Variants in UBE2QL1 observed in about 807,000 individuals in gnomAD.
UBE2QL1 encodes ubiquitin conjugating enzyme E2 QL1, also known as ubiquitin-conjugating enzyme E2Q-like protein 1.
In UBE2QL1, 5 loss-of-function variants were observed where a neutral mutation model predicts 12.6. The ratio of observed to expected loss-of-function variants is 0.40; its 90% confidence interval spans 0.21 to 0.83. UBE2QL1 has a LOEUF of 0.83. Ranked by LOEUF, UBE2QL1 falls within the 40% of genes least tolerant of loss-of-function variation. The pLI is 0.37. For synonymous variants in UBE2QL1, 96 were observed against 94.5 expected (o/e 1.02, Z -0.10); for missense variants, 99 against 222.6 (o/e 0.44, Z 3.53).
At chr5:6,461,540 A>ACCG (rs71606052) in intron 1 of UBE2QL1, among the ~76,000 whole-genome samples, 5 of 46,774 alleles carry the variant, frequency 1.1e-4, no homozygotes, top group Non-Finnish European at 2.4e-4. Context: ...TTCAGCACCC[A>ACCG]CCACCCCCCC....
rs891543719 is a variant in UBE2QL1 at position 6,476,615 on chromosome 5, A to G, written c.355-14603A>G. Among the ~76,000 whole-genome samples, 2 of 152,166 alleles carry G rather than the reference A, an allele frequency of 1.3e-5. No individual in the cohort carries two copies. The highest frequency in any genetic ancestry group is 1.3e-4 in the Admixed American group (2 of 15,284). On this transcript the variant is annotated intron_variant, in intron 1 of 1. Transcript: ENST00000399816. The surrounding 1 kb of genome is among the most constrained non-coding windows in gnomAD (Gnocchi z 4.9). ...TTTTACCTGCTCCTAAGCTTACTATATAATATTTGTGAACTGCTGCAGAAA... is the reference window on the plus strand; with the variant it reads ...TTTTACCTGCTCCTAAGCTTACTATGTAATATTTGTGAACTGCTGCAGAAA...
At chr5:6,462,376 G>A (rs1272710674) in intron 1 of UBE2QL1, among the ~76,000 whole-genome samples, 2 of 152,148 alleles carry the variant, frequency 1.3e-5, no homozygotes, top group Non-Finnish European at 2.9e-5. Context: ...CCAGTGGACG[G>A]GGCATGCAAG....
Position 6,450,080 on chromosome 5 carries a change from G to C in UBE2QL1, c.354+833G>C, listed in dbSNP as rs538450022. Among the ~76,000 whole-genome samples, 61 of 132,504 alleles carry C rather than the reference G, an allele frequency of 4.6e-4. 2 individuals are homozygous for C. The East Asian group carries it at 0.01, about 22-fold the overall frequency. 86.9% of individuals were successfully genotyped at this position (132,504 alleles called of 152,430 possible). On this transcript the variant is annotated intron_variant, in intron 1 of 1. Coordinates refer to ENST00000399816, the MANE Select transcript of UBE2QL1 (RefSeq NM_001145161.3). ...GTTTGGGCATTCCCTTAAGAGACAA[G>C]ACCAGACCCCCCCCCCCCACGGCAA...
rs541956918 is a variant in UBE2QL1, at chr5:6,451,887, T to G, written c.354+2640T>G. Among the ~76,000 whole-genome samples the G allele has an allele frequency of 1.2e-4, 19 of 152,342 alleles. No homozygotes were observed. In the South Asian group the frequency reaches 3.9e-3, roughly 32 times the overall value. On this transcript the variant is annotated intron_variant, in intron 1 of 1. Coordinates refer to ENST00000399816, the MANE Select transcript of UBE2QL1 (RefSeq NM_001145161.3). ...ATTATTTCCTCAGTTAGAGGTAATATGCTTTGGGAAAGCAATCAAAATACC... is the reference window on the plus strand; with the variant it reads ...ATTATTTCCTCAGTTAGAGGTAATAGGCTTTGGGAAAGCAATCAAAATACC...
chr5:6,471,052 A>G (rs987542673), intron 1 of UBE2QL1, among the ~76,000 whole-genome samples: 1 of 152,192 alleles, frequency 6.6e-6, no homozygotes, highest in Non-Finnish European at 1.5e-5. Context: ...ATTCAGGTGT[A>G]GCATCTTTCA....
chr5:6,477,109 C>A (rs1233490031), intron 1 of UBE2QL1, among the ~76,000 whole-genome samples: 2 of 152,216 alleles, frequency 1.3e-5, no homozygotes, highest in African/African-American at 2.4e-5. Flanking sequence ...AGCGCCCACA[C>A]TCTCAGGGCC....
intron 1 of UBE2QL1, among the ~76,000 whole-genome samples, chr5:6,484,361 C>T (rs994062995): frequency 1.6e-4 from 25 of 152,164 alleles, no homozygotes; most frequent in African/African-American, 4.1e-4. Flanking sequence ...TCCTCAGGCC[C>T]TGGCCCTGAG....
chr5:6,456,113 A>T (rs1263097330), intron 1 of UBE2QL1, among the ~76,000 whole-genome samples: 1 of 152,188 alleles, frequency 6.6e-6, no homozygotes, highest in Admixed American at 6.6e-5. Flanking sequence ...CCTAGGCATC[A>T]TTGGGGGATC....
rs1003918033 is a variant in UBE2QL1, at chr5:6,495,304, A to T, written c.*3955A>T. Among the ~76,000 whole-genome samples, 4 of 152,150 alleles carry T rather than the reference A, an allele frequency of 2.6e-5. No individual in the cohort carries two copies. Among genetic ancestry groups the T allele is most frequent in the Non-Finnish European group, 5.9e-5 (4 of 68,026 alleles). On this transcript the variant is annotated 3_prime_UTR_variant, in exon 2 of 2. Transcript: ENST00000399816. ...GTGTGTAGCAATTATATTTCAGTGT[A>T]CCCATCCAATAGCATGCGAAATTTT...
Position 6,495,717 on chromosome 5 carries a change from G to A in UBE2QL1, c.*4368G>A, listed in dbSNP as rs1734655571. Reference sequence around the variant, plus strand: ...CCTCCAACTGTTTTGGGAAGCTTCTGTAAGGGGCTTGGAGCTCAGCCTATG... The same window carrying A: ...CCTCCAACTGTTTTGGGAAGCTTCTATAAGGGGCTTGGAGCTCAGCCTATG... On this transcript the variant is annotated 3_prime_UTR_variant, in exon 2 of 2. Coordinates refer to ENST00000399816, the MANE Select transcript of UBE2QL1 (RefSeq NM_001145161.3). 6.6e-6 allele frequency among the ~76,000 whole-genome samples: 1 copy of A among 152,220 alleles called. No homozygotes were observed. Among genetic ancestry groups the A allele is most frequent in the African/African-American group, 2.4e-5 (1 of 41,456 alleles).
intron 1 of UBE2QL1, among the ~76,000 whole-genome samples, chr5:6,487,281 G>GA (rs1178526998): frequency 3.9e-5 from 6 of 152,112 alleles, no homozygotes; most frequent in East Asian, 1.9e-4. Flanking sequence ...GGCCATAAGG[G>GA]AAAAAAAGAA....
chr5:6,477,383 AGGACAGGTGTGCC>A (rs1421469090), intron 1 of UBE2QL1, among the ~76,000 whole-genome samples: 67 of 151,668 alleles, frequency 4.4e-4, no homozygotes, highest in African/African-American at 1.6e-3. Context: ...CAGCCTGCTG[AGGACAGGTGTGCC>A]CGGAGGTCAG....
At chr5:6,465,962 C>T (rs1032687961) in intron 1 of UBE2QL1, among the ~76,000 whole-genome samples, 1 of 152,198 alleles carries the variant, frequency 6.6e-6, no homozygotes, top group Non-Finnish European at 1.5e-5. Flanking sequence ...CAGCCTGTCT[C>T]CCTCTGCTGC....
chr5:6,490,690 T>C (rs1274985555), intron 1 of UBE2QL1, among the ~76,000 whole-genome samples: 1 of 152,116 alleles, frequency 6.6e-6, no homozygotes, highest in Non-Finnish European at 1.5e-5. Context: ...AAAAATAGAG[T>C]TTTAAATATT....
chr5:6,484,546 T>C (rs1734428464), intron 1 of UBE2QL1, among the ~76,000 whole-genome samples: 1 of 152,086 alleles, frequency 6.6e-6, no homozygotes, highest in Non-Finnish European at 1.5e-5. Flanking sequence ...GTTGCCCAGG[T>C]CAACATTTAA....
chr5:6,461,550 C>T (rs377361836), intron 1 of UBE2QL1, among the ~76,000 whole-genome samples: 14 of 124,062 alleles, frequency 1.1e-4, no homozygotes, highest in South Asian at 9.7e-4. Flanking sequence ...ACCACCCCCC[C>T]CCGCCGGCAT....
chr5:6,460,474 C>T (rs1347017386), intron 1 of UBE2QL1, among the ~76,000 whole-genome samples: 1 of 152,156 alleles, frequency 6.6e-6, no homozygotes, highest in African/African-American at 2.4e-5. Context: ...TGTTTCCGTC[C>T]ATGACTGTGT....
rs1734280042 is a variant in UBE2QL1 at position 6,478,205 on chromosome 5, C to A, written c.355-13013C>A. On this transcript the variant is annotated intron_variant, in intron 1 of 1. Transcript: ENST00000399816. This position sits in a 1 kb window ranked among gnomAD's most constrained non-coding sequence, Gnocchi z 4.5. Reference sequence around the variant, plus strand: ...TTTTACCTGAAAATATATCTGAAGACTTCCAGTGGTTCCAAAATCTCATTT... The same window carrying A: ...TTTTACCTGAAAATATATCTGAAGAATTCCAGTGGTTCCAAAATCTCATTT... Among the ~76,000 whole-genome samples the A allele has an allele frequency of 6.6e-6, 1 of 152,302 alleles. No individual in the cohort carries two copies. The highest frequency in any genetic ancestry group is 1.9e-4 in the East Asian group (1 of 5,184).
rs564296689 is a variant in UBE2QL1 at position 6,486,189 on chromosome 5, T to A, written c.355-5029T>A. Among the ~76,000 whole-genome samples, 5 of 152,044 alleles carry A rather than the reference T, an allele frequency of 3.3e-5. No individual in the cohort carries two copies. The East Asian group carries it at 9.7e-4, about 29-fold the overall frequency. On this transcript the variant is annotated intron_variant, in intron 1 of 1. Transcript: ENST00000399816. Reference sequence around the variant, plus strand: ...AATGCTTATTTTACATATGAGAAAATCGACATTCAGAGAGGTTAAGTGATT... The same window carrying A: ...AATGCTTATTTTACATATGAGAAAAACGACATTCAGAGAGGTTAAGTGATT...
Sources: gnomAD v4.1 joint callset for allele counts (sites outside exome capture counted in the v4.1 genomes callset) on GRCh38, gnomAD v4.1.1 for gene constraint, Gnocchi (gnomAD v3.1) non-coding constraint, MANE v1.5 for transcripts, NCBI Gene and HGNC (gene_info 2026-07-23, HGNC 2026-07-21) for gene names.